The following ZNF469 variants were observed in gnomAD, a reference collection of about 807,000 sequenced individuals.
ZNF469 encodes zinc finger protein 469.
In ZNF469, 1 loss-of-function variant was observed where a neutral mutation model predicts 1.0. That is an observed-to-expected ratio of 1.00 (90% CI 0.35 to 4.73). ZNF469 has a LOEUF of 4.73. Ranked by LOEUF, ZNF469 falls within the 30% of genes most tolerant of loss-of-function variation. The pLI is 0.16. For missense variants in ZNF469, 6,100 were observed against 5,356.3 expected, an observed-to-expected ratio of 1.14 and a Z score of -4.33; for synonymous variants, 2,703 against 2,363.4, an observed-to-expected ratio of 1.14 and a Z score of -4.17.
At chr16:88,167,540 T>C in the ZNF469 span, among the ~76,000 whole-genome samples, 1 of 152,176 alleles carries the variant, frequency 6.6e-6, no homozygotes, top group East Asian at 1.9e-4. Context: ...ACACATTAGA[T>C]TTCCCTCCTG....
At chr16:88,193,232 G>A in the ZNF469 span, among the ~76,000 whole-genome samples, 1 of 25,474 alleles carries the variant, frequency 3.9e-5, no homozygotes, top group African/African-American at 1.4e-4. Context: ...GTGGTGGTGG[G>A]GATGGTGGTG....
the ZNF469 span, among the ~76,000 whole-genome samples, chr16:88,248,589 T>C: frequency 6.6e-6 from 1 of 152,156 alleles, no homozygotes; most frequent in Non-Finnish European, 1.5e-5. Flanking sequence ...AAAACTTGAG[T>C]GTATGCTATA....
the ZNF469 span, among the ~76,000 whole-genome samples, chr16:88,281,723 G>C: frequency 6.6e-6 from 1 of 151,326 alleles, no homozygotes; most frequent in Non-Finnish European, 1.5e-5. Context: ...GCATGGGTTA[G>C]TGCTGTGCCA....
At chr16:88,318,819 G>A in the ZNF469 span, among the ~76,000 whole-genome samples, 4 of 152,242 alleles carry the variant, frequency 2.6e-5, no homozygotes, top group South Asian at 2.1e-4. Context: ...CGAACAGCGC[G>A]TGCAAGGGGG....
rs529781401 is a variant in ZNF469, at chr16:88,424,323, A to C, written c.-191-484A>C. On this transcript the variant is annotated intron_variant, in intron 1 of 2. Transcript: ENST00000565624. This position sits in a 1 kb window ranked among gnomAD's most constrained non-coding sequence, Gnocchi z 4.3. The stretch of plus-strand genomic sequence containing the variant: ...GAGCGTAGCCGACGATCTTCTGTTG[A>C]AGGAAGGAGGAAAGGCAGTGTGTGT... 6.6e-6 allele frequency among the ~76,000 whole-genome samples: 1 copy of C among 152,314 alleles called. No homozygotes were observed. Among genetic ancestry groups the C allele is most frequent in the East Asian group, 1.9e-4 (1 of 5,190 alleles).
chr16:88,180,848 C>G, the ZNF469 span, among the ~76,000 whole-genome samples: 5 of 152,136 alleles, frequency 3.3e-5, no homozygotes, highest in Non-Finnish European at 5.9e-5. Flanking sequence ...ATGCTTGCAC[C>G]TAACAGCGGA....
chr16:88,407,359 C>T lies in ZNF469; in HGVS notation c.-191-17448C>T, dbSNP rs77315746. ...ATGGCAGGGCTCACGGTACCCTCTT[C>T]TCAGTGTTACGCGAAGGAAGGAGCA... is the stretch of plus-strand genomic sequence containing the variant. On this transcript the variant is annotated intron_variant, in intron 1 of 2. Transcript: ENST00000565624. Among the ~76,000 whole-genome samples, 150 of 152,372 alleles carry T rather than the reference C, an allele frequency of 9.8e-4. 3 individuals are homozygous for T. In the East Asian group the frequency reaches 0.027, roughly 28 times the overall value.
the ZNF469 span, among the ~76,000 whole-genome samples, chr16:88,358,373 C>T: frequency 2.6e-5 from 4 of 152,178 alleles, no homozygotes; most frequent in Non-Finnish European, 4.4e-5. Flanking sequence ...TGCGAGACCT[C>T]TGGGGCTGGG....
chr16:88,430,686 C>T lies in ZNF469; in HGVS notation c.3216C>T (p.Cys1072=), dbSNP rs779127073. The change falls in exon 3 of 3, where the codon TGC becomes TGT. Residue 1072 remains cysteine (C), a synonymous_variant. Coordinates refer to ENST00000565624, the MANE Select transcript of ZNF469 (RefSeq NM_001367624.2). ...HRRLGRRAGR[C]GSLAAGRPRP... is the part of the protein sequence containing the mutation. ...GGCTGGGGCGGCGGGCGGGCAGGTG[C>T]GGCTCCCTGGCGGCGGGGAGGCCCC... The T allele has an allele frequency of 2.2e-5, 33 of 1,488,906 alleles. 1 individual carries two copies. The South Asian group carries it at 3.5e-4, about 16-fold the overall frequency. 92.2% of individuals were successfully genotyped at this position (1,488,906 alleles called of 1,614,324 possible). A position where few individuals can be genotyped will look rare whatever the true frequency, so the allele number is the denominator to read the frequency against.
the ZNF469 span, among the ~76,000 whole-genome samples, chr16:88,307,783 C>A: frequency 1.3e-5 from 2 of 152,186 alleles, no homozygotes; most frequent in Non-Finnish European, 2.9e-5. Context: ...TTCTCTCATT[C>A]TCTGGGTTAC....
chr16:88,345,754 C>T, the ZNF469 span, among the ~76,000 whole-genome samples: 2 of 152,266 alleles, frequency 1.3e-5, no homozygotes, highest in East Asian at 3.9e-4. Flanking sequence ...GTGGATGGAA[C>T]TCCCCCGGAC....
chr16:88,312,046 G>A, the ZNF469 span, among the ~76,000 whole-genome samples: 1 of 152,218 alleles, frequency 6.6e-6, no homozygotes, highest in Non-Finnish European at 1.5e-5. Context: ...CAAAGGAAGA[G>A]CAAAGGCACA....
the ZNF469 span, among the ~76,000 whole-genome samples, chr16:88,328,440 C>T: frequency 6.6e-6 from 1 of 152,176 alleles, no homozygotes; most frequent in Non-Finnish European, 1.5e-5. Flanking sequence ...TGGCAGTTCT[C>T]AGCCGGGGCC....
In ZNF469 at chr16:88,435,072, T is replaced by C. The variant is rs1295728836; in HGVS notation, c.7602T>C (p.Ser2534=). The C allele has an allele frequency of 6.5e-7, 1 of 1,550,340 alleles. No homozygotes were observed. The highest frequency in any genetic ancestry group is 8.7e-7 in the Non-Finnish European group (1 of 1,146,970). ...QPPRKKSHRV[S]GKERPNHSRG... is the part of the protein sequence containing the mutation. Reference sequence around the variant, plus strand: ...CCAGGAAGAAAAGCCACAGGGTGTCTGGGAAGGAGAGACCAAATCACTCAC... The same window carrying C: ...CCAGGAAGAAAAGCCACAGGGTGTCCGGGAAGGAGAGACCAAATCACTCAC... Residue 2534 remains serine, a synonymous_variant, in exon 3 of 3, where the codon TCT becomes TCC. Transcript: ENST00000565624.
chr16:88,133,064 G>T, the ZNF469 span, among the ~76,000 whole-genome samples: 1 of 152,222 alleles, frequency 6.6e-6, no homozygotes, highest in Non-Finnish European at 1.5e-5. Flanking sequence ...CAGGTTGGGG[G>T]CCGGGGGGCT....
the ZNF469 span, among the ~76,000 whole-genome samples, chr16:88,239,701 ATATATATATATATATTTTTTTTTTT>A: frequency 3.5e-4 from 3 of 8,668 alleles, no homozygotes; most frequent in African/African-American, 1.6e-3. Flanking sequence ...ATATATATAT[ATATATATATATATATTTTTTTTTTT>A]TTTTTTTTTT....
chr16:88,198,070 C>T, the ZNF469 span, among the ~76,000 whole-genome samples: 1 of 152,244 alleles, frequency 6.6e-6, no homozygotes, highest in South Asian at 2.1e-4. Context: ...CCCATCACAG[C>T]TACAGAAATC....
chr16:88,295,511 T>C, the ZNF469 span, among the ~76,000 whole-genome samples: 1 of 152,150 alleles, frequency 6.6e-6, no homozygotes, highest in Non-Finnish European at 1.5e-5. Flanking sequence ...GCTCAGGGTC[T>C]GGAGAGGGCG....
Position 88,434,151 on chromosome 16 carries a change from C to T in ZNF469, c.6681C>T (p.Ser2227=). 6.5e-7 allele frequency: 1 copy of T among 1,550,310 alleles called. No homozygotes were observed. Among genetic ancestry groups the T allele is most frequent in the Non-Finnish European group, 8.7e-7 (1 of 1,146,954 alleles). The change falls in exon 3 of 3, where the codon TCC becomes TCT. Residue 2227 remains serine, a synonymous_variant. Transcript: ENST00000565624. ...GCAGCCCCCTGGAAGACCCTTCCTC[C>T]TGGCCTCCTGGCTCCGTCAGTGCTG... ...GEGSPLEDPS[S]WPPGSVSAVT...
Sources: allele counts gnomAD v4.1 joint callset (sites outside exome capture counted in the v4.1 genomes callset), GRCh38; gene constraint gnomAD v4.1.1; non-coding constraint Gnocchi (gnomAD v3.1); transcripts MANE v1.5; gene names NCBI Gene and HGNC (gene_info 2026-07-23, HGNC 2026-07-21).